Variants in ADAMTSL1 observed in about 807,000 individuals in gnomAD.
ADAMTSL1 encodes the protein ADAMTS-like protein 1.
ADAMTSL1 carries 126 observed loss-of-function variants against 201.8 expected under a neutral mutation model. That is an observed-to-expected ratio of 0.62 (90% confidence interval 0.54 to 0.72). ADAMTSL1 has a LOEUF of 0.72. ADAMTSL1 is among the 30% of genes least tolerant of loss of function. ADAMTSL1 has a pLI of 0.00. For missense variants in ADAMTSL1, 2,679 were observed against 2,277.8 expected (o/e 1.18, Z -3.59); for synonymous variants, 1,121 against 903.4 (o/e 1.24, Z -4.32).
intron 22 of ADAMTSL1, among the ~76,000 whole-genome samples, chr9:18,828,042 T>C (rs1320660665): frequency 1.3e-5 from 2 of 152,234 alleles, no homozygotes; most frequent in African/African-American, 4.8e-5. Context: ...GTTCCGTGAC[T>C]TAACCTGTAC....
At chr9:18,516,778 C>T (rs1818385797) in intron 2 of ADAMTSL1, among the ~76,000 whole-genome samples, 1 of 152,190 alleles carries the variant, frequency 6.6e-6, no homozygotes, top group East Asian at 1.9e-4. Flanking sequence ...CCCTTCAACT[C>T]TGAAATGTGT....
At chr9:17,955,805 G>A (rs765954088) in intron 1 of ADAMTSL1, among the ~76,000 whole-genome samples, 12 of 151,994 alleles carry the variant, frequency 7.9e-5, no homozygotes, top group Non-Finnish European at 1.3e-4. Flanking sequence ...TAGTATGTAC[G>A]TTTAGGAAAA....
chr9:17,908,615 C>T (rs537228126), intron 1 of ADAMTSL1, among the ~76,000 whole-genome samples: 26 of 152,198 alleles, frequency 1.7e-4, no homozygotes, highest in African/African-American at 6.0e-4. Flanking sequence ...TGCCACGACG[C>T]CTGGCTAATT....
At chr9:18,418,923 T>C (rs1011156838) in intron 2 of ADAMTSL1, among the ~76,000 whole-genome samples, 4 of 152,218 alleles carry the variant, frequency 2.6e-5, no homozygotes, top group Admixed American at 1.3e-4. Context: ...AATTACATTA[T>C]GCAGTTTTAA....
rs1210118688 is a variant in ADAMTSL1, at chr9:18,714,046, A to G, written c.1876+6998A>G. Among the ~76,000 whole-genome samples, 10 of 152,096 alleles carry G rather than the reference A, an allele frequency of 6.6e-5. No individual in the cohort carries two copies. The South Asian group carries it at 1.9e-3, about 28-fold the overall frequency. ...GGCAGAAATAAAGATGTTCTTTGAA[A>G]CCAATGAGAACAAAGACACAACATA... On this transcript the variant is annotated intron_variant, in intron 14 of 28. Coordinates refer to ENST00000380548, the MANE Select transcript of ADAMTSL1 (RefSeq NM_001040272.6).
chr9:18,814,664 A>G (rs1823720518), intron 20 of ADAMTSL1, among the ~76,000 whole-genome samples: 1 of 152,210 alleles, frequency 6.6e-6, no homozygotes, highest in East Asian at 1.9e-4. Flanking sequence ...GTTCTCACCT[A>G]TAACTGGGAG....
chr9:18,377,284 G>T (rs767094556), intron 2 of ADAMTSL1, among the ~76,000 whole-genome samples: 1 of 152,206 alleles, frequency 6.6e-6, no homozygotes, highest in African/African-American at 2.4e-5. Context: ...AGTTTGTTAT[G>T]AGAACTGCGT....
intron 1 of ADAMTSL1, among the ~76,000 whole-genome samples, chr9:17,991,490 C>T (rs956719138): frequency 2.0e-4 from 30 of 152,088 alleles, no homozygotes; most frequent in African/African-American, 6.3e-4. Flanking sequence ...GAGATCCCAG[C>T]GCCACAGATA....
chr9:18,587,118 G>A (rs933112908), intron 4 of ADAMTSL1, among the ~76,000 whole-genome samples: 3 of 152,236 alleles, frequency 2.0e-5, no homozygotes, highest in African/African-American at 7.2e-5. Flanking sequence ...TTAAACTAAA[G>A]AGCTTCTGCA....
upstream of ADAMTSL1, among the ~76,000 whole-genome samples, chr9:18,470,514 A>T (rs1425625970): frequency 6.6e-6 from 1 of 152,188 alleles, no homozygotes; most frequent in African/African-American, 2.4e-5. Flanking sequence ...TTCCTTAAAG[A>T]GGGGAGATTA....
At chr9:18,595,447 G>C (rs914477854) in intron 4 of ADAMTSL1, among the ~76,000 whole-genome samples, 1 of 152,194 alleles carries the variant, frequency 6.6e-6, no homozygotes, top group Admixed American at 6.5e-5. Flanking sequence ...AGAGGCTGGA[G>C]AGCCTGGTCT....
chr9:18,370,199 G>C (rs1206600173), intron 2 of ADAMTSL1, among the ~76,000 whole-genome samples: 1 of 151,796 alleles, frequency 6.6e-6, no homozygotes, highest in Non-Finnish European at 1.5e-5. Context: ...AAAGTCACTT[G>C]AACCCAGGAG....
intron 1 of ADAMTSL1, among the ~76,000 whole-genome samples, chr9:17,917,310 A>ACTT (rs1826133230): frequency 6.6e-6 from 1 of 152,120 alleles, no homozygotes; most frequent in Non-Finnish European, 1.5e-5. Flanking sequence ...TGGTATGAAC[A>ACTT]GATATCCTTG....
chr9:18,700,281 G>T (rs1043072753), intron 13 of ADAMTSL1, among the ~76,000 whole-genome samples: 1 of 152,022 alleles, frequency 6.6e-6, no homozygotes, highest in African/African-American at 2.4e-5. Flanking sequence ...AATGGTGTTT[G>T]CTTACTTATT....
chr9:18,745,594 T>C (rs1819096412), intron 15 of ADAMTSL1, among the ~76,000 whole-genome samples: 3 of 152,180 alleles, frequency 2.0e-5, no homozygotes, highest in Admixed American at 1.3e-4. Context: ...TCGATTTGCT[T>C]GATACTACTG....
intron 2 of ADAMTSL1, among the ~76,000 whole-genome samples, chr9:18,466,866 G>A (rs192536185): frequency 2.5e-4 from 38 of 152,118 alleles, no homozygotes; most frequent in South Asian, 4.2e-4. Flanking sequence ...GTATTTTAGG[G>A]GAAGAATACT....
At chr9:18,384,330 C>T (rs1462877975) in intron 2 of ADAMTSL1, among the ~76,000 whole-genome samples, 1 of 152,084 alleles carries the variant, frequency 6.6e-6, no homozygotes, top group Non-Finnish European at 1.5e-5. Context: ...ATCACAAGAA[C>T]AGCAAGAGGG....
chr9:18,237,959 G>A (rs1830913247), intron 2 of ADAMTSL1, among the ~76,000 whole-genome samples: 1 of 152,252 alleles, frequency 6.6e-6, no homozygotes, highest in African/African-American at 2.4e-5. Flanking sequence ...ATATGGCAGA[G>A]GAGGCAGAAT....
chr9:17,975,987 G>A lies in ADAMTSL1; in HGVS notation c.87+69065G>A, dbSNP rs181079512. 2.4e-3 allele frequency among the ~76,000 whole-genome samples: 358 copies of A among 152,064 alleles called. 2 individuals are homozygous for A. Among genetic ancestry groups the A allele is most frequent in the Admixed American group, 5.2e-3 (79 of 15,240 alleles). ...TTTATTGAAGGAACTAGCCTTCCCC[G>A]ACTGTGTATTCTTGGCAACTTTGTT... On this transcript the variant is annotated intron_variant, in intron 1 of 29. Transcript: ENST00000680146.
Sources: gnomAD v4.1 joint callset for allele counts (sites outside exome capture counted in the v4.1 genomes callset) on GRCh38, gnomAD v4.1.1 for gene constraint, MANE v1.5 for transcripts, NCBI Gene and HGNC (gene_info 2026-07-23, HGNC 2026-07-21) for gene names.